B4GALT6: variants seen among roughly 807,000 people sequenced by gnomAD.
B4GALT6 encodes UDP-Gal:beta-GlcNAc beta-1,4-galactosyltransferase 6.
Under a neutral mutation model 46.3 loss-of-function variants are expected in B4GALT6, and 14 were observed. That is an observed-to-expected ratio of 0.30 (90% CI 0.20 to 0.47). The LOEUF (loss-of-function observed/expected upper bound fraction) is 0.47. Ranked by LOEUF, B4GALT6 falls within the 20% of genes least tolerant of loss-of-function variation. B4GALT6 has a pLI of 0.99. For synonymous variants in B4GALT6, 168 were observed against 162.0 expected, an observed-to-expected ratio of 1.04 and a Z score of -0.28; for missense variants, 386 against 480.1, an observed-to-expected ratio of 0.80 and a Z score of 1.83.
intron 3 of B4GALT6, 96 bp from the exon 4 acceptor site, chr18:31,645,575 T>C (rs1220428013): frequency 1.6e-6 from 2 of 1,258,586 alleles, no homozygotes; most frequent in African/African-American, 3.0e-5. Flanking sequence ...CATATCTTAG[T>C]TGCCAGGACA....
chr18:31,719,001 A>C, the B4GALT6 span: 4 of 151,982 alleles, frequency 2.6e-5, no homozygotes, highest in African/African-American at 9.7e-5. Context: ...TCACCCCTAC[A>C]TGTGCGTCCC....
At chr18:31,627,887 T>C (rs1168149357) in intron 6 of B4GALT6, among the ~76,000 whole-genome samples, 1 of 152,176 alleles carries the variant, frequency 6.6e-6, no homozygotes, top group African/African-American at 2.4e-5. Flanking sequence ...CCTGAATATA[T>C]TCCCATGGAC....
At chr18:31,700,466 T>TGA in the B4GALT6 span, among the ~76,000 whole-genome samples, 13,603 of 133,150 alleles carry the variant, frequency 0.1, 780 homozygotes, top group Non-Finnish European at 0.15. Context: ...TGTGTGTGTG[T>TGA]GTGAGAGAGA....
At chr18:31,707,071 T>G in the B4GALT6 span, among the ~76,000 whole-genome samples, 44 of 152,320 alleles carry the variant, frequency 2.9e-4, no homozygotes, top group East Asian at 6.0e-3. Flanking sequence ...TTTTTCTCTC[T>G]TCATAAGAGG....
In B4GALT6 at chr18:31,626,380, G is replaced by C; in HGVS notation, c.904C>G (p.His302Asp). 2.6e-6 allele frequency: 4 copies of C among 1,534,664 alleles called. No individual in the cohort carries two copies. Among genetic ancestry groups the C allele is most frequent in the Non-Finnish European group, 3.6e-6 (4 of 1,113,222 alleles). ...CTGGTTACATTATATCCAGCATAGT[G>C]AACTCTACAATGCCATATATGGAAA... ...GEDDDLWNRV[H>D]YAGYNVTRPE... Residue 302 changes from histidine (H) to aspartate (D), a missense_variant, in exon 8 of 9, where the codon CAC becomes GAC. Coordinates refer to ENST00000306851, the MANE Select transcript of B4GALT6 (RefSeq NM_004775.5).
chr18:31,656,049 T>C (rs959309540), intron 3 of B4GALT6, among the ~76,000 whole-genome samples: 22 of 152,176 alleles, frequency 1.4e-4, no homozygotes, highest in Non-Finnish European at 3.1e-4. Context: ...CTGCTGAGTC[T>C]GAAACTCTTG....
chr18:31,637,499 G>A (rs1271441369), intron 5 of B4GALT6, among the ~76,000 whole-genome samples: 1 of 124,378 alleles, frequency 8.0e-6, no homozygotes, highest in Non-Finnish European at 1.7e-5. Context: ...CCTCTACCAA[G>A]AAAGATGACT....
chr18:31,652,237 G>T lies in B4GALT6; in HGVS notation c.346+5739C>A, dbSNP rs71372020. Among the ~76,000 whole-genome samples the T allele has an allele frequency of 2.4e-3, 359 of 152,140 alleles. 2 individuals carry two copies. The highest frequency in any genetic ancestry group is 0.011 in the East Asian group (55 of 5,172). On this transcript the variant is annotated intron_variant, in intron 3 of 8. Transcript: ENST00000306851. Reference sequence around the variant, plus strand: ...CCTACAGTCTACATACACTTCTGACGCACTTCTCAAGAGTCTACTTTGCTT... The same window carrying T: ...CCTACAGTCTACATACACTTCTGACTCACTTCTCAAGAGTCTACTTTGCTT...
At chr18:31,708,747 A>G in the B4GALT6 span, among the ~76,000 whole-genome samples, 7 of 151,874 alleles carry the variant, frequency 4.6e-5, no homozygotes, top group Admixed American at 2.0e-4. Flanking sequence ...TTCTCCTTCC[A>G]TAGAAGGAAA....
At chr18:31,663,446 G>A (rs2074243672) in intron 2 of B4GALT6, among the ~76,000 whole-genome samples, 1 of 152,034 alleles carries the variant, frequency 6.6e-6, no homozygotes, top group Non-Finnish European at 1.5e-5. Context: ...TCATAATTTG[G>A]CTCTGTGGGC....
chr18:31,697,281 AAGAGAG>A, the B4GALT6 span, among the ~76,000 whole-genome samples: 4 of 151,034 alleles, frequency 2.6e-5, no homozygotes, highest in African/African-American at 9.7e-5. Flanking sequence ...CCCTGAAAAA[AAGAGAG>A]AGAGAGAGAG....
intron 3 of B4GALT6, among the ~76,000 whole-genome samples, chr18:31,649,031 G>A (rs1394343106): frequency 1.3e-5 from 2 of 152,150 alleles, no homozygotes; most frequent in Non-Finnish European, 2.9e-5. Context: ...ATGTCCCTTA[G>A]GGTAAATTCC....
intron 5 of B4GALT6, among the ~76,000 whole-genome samples, 190 bp downstream of exon 5, chr18:31,638,454 G>A (rs1258242287): frequency 1.3e-5 from 2 of 152,142 alleles, no homozygotes; most frequent in Non-Finnish European, 2.9e-5. Context: ...GTGAACCTGG[G>A]GGGCGGAGCT....
intron 5 of B4GALT6, among the ~76,000 whole-genome samples, chr18:31,637,299 C>T (rs1251406426): frequency 6.6e-6 from 1 of 152,084 alleles, no homozygotes; most frequent in African/African-American, 2.4e-5. Context: ...TTCCATTCTC[C>T]ACCTGGTTCT....
chr18:31,659,091 G>A (rs922579867), intron 2 of B4GALT6, among the ~76,000 whole-genome samples: 2 of 152,076 alleles, frequency 1.3e-5, no homozygotes, highest in African/African-American at 4.8e-5. Context: ...AATGAGAGAC[G>A]GAAACAGCTC....
intron 3 of B4GALT6, among the ~76,000 whole-genome samples, 161 bp downstream of exon 3, chr18:31,657,815 A>T (rs771929669): frequency 2.8e-4 from 43 of 152,196 alleles, no homozygotes; most frequent in Non-Finnish European, 5.1e-4. Context: ...GCTTTGCCAA[A>T]AAATAAATAA....
rs762468991 is a variant in B4GALT6 at position 31,622,374 on chromosome 18, T to C, written c.*3240A>G. 4.6e-5 allele frequency: 7 copies of C among 152,074 alleles called. No homozygotes were observed. Among genetic ancestry groups the C allele is most frequent in the Non-Finnish European group, 7.4e-5 (5 of 67,918 alleles). The allele number at this position is 152,074 out of a possible 1,614,324, so 9.4% of individuals were successfully genotyped here. A position where few individuals can be genotyped will look rare whatever the true frequency, so the allele number is the denominator to read the frequency against. ...TTCAGTGCATTTATGTAGAAGCCTT[T>C]CATCTAAATAAATAAAATAATCTTA... is the stretch of plus-strand genomic sequence containing the variant. On this transcript the variant is annotated 3_prime_UTR_variant, in exon 9 of 9. Transcript: ENST00000306851.
chr18:31,688,822 C>T (rs2030015942), upstream of B4GALT6, among the ~76,000 whole-genome samples: 1 of 152,154 alleles, frequency 6.6e-6, no homozygotes, highest in Non-Finnish European at 1.5e-5. Context: ...GGAAGAAAGC[C>T]CAGATGTTAT....
intron 1 of B4GALT6, among the ~76,000 whole-genome samples, chr18:31,672,159 T>C (rs1258029553): frequency 6.6e-6 from 1 of 152,230 alleles, no homozygotes; most frequent in Non-Finnish European, 1.5e-5. Context: ...TCCTGGGCTT[T>C]GCAGGACACC....
Sources: allele counts gnomAD v4.1 joint callset (sites outside exome capture counted in the v4.1 genomes callset), GRCh38; gene constraint gnomAD v4.1.1; transcripts MANE v1.5; gene names NCBI Gene and HGNC (gene_info 2026-07-23, HGNC 2026-07-21).